MALRD1: variants seen among roughly 807,000 people sequenced by gnomAD.
The protein encoded by MALRD1 is MAM and LDL receptor class A domain containing 1.
Under a neutral mutation model 242.1 loss-of-function variants are expected in MALRD1, and 247 were observed. The observed-to-expected ratio is 1.02, with a 90% CI of 0.92 to 1.13. The LOEUF (loss-of-function observed/expected upper bound fraction) is 1.13. MALRD1 is among the 50% of genes most tolerant of loss of function. MALRD1 has a pLI of 0.00. For missense variants in MALRD1, 2,989 were observed against 2,533.1 expected (o/e 1.18, Z -3.86); for synonymous variants, 995 against 866.6 (o/e 1.15, Z -2.60).
intron 31 of MALRD1, among the ~76,000 whole-genome samples, chr10:19,515,953 A>G (rs1780731488): frequency 6.6e-6 from 1 of 152,212 alleles, no homozygotes; most frequent in South Asian, 2.1e-4. Context: ...ACTTACACCT[A>G]TTTAATTCAC....
rs368248433 is a variant in MALRD1 at position 19,249,753 on chromosome 10, C to G, written c.2992-7931C>G. ...CTTCTCTGAGAAAGTAACATCTAAC[C>G]TGGAACTTCAGATACAATTTCTAAT... is the stretch of plus-strand genomic sequence containing the variant. On this transcript the variant is annotated intron_variant, in intron 18 of 39. Transcript: ENST00000454679. 1.6e-4 allele frequency among the ~76,000 whole-genome samples: 25 copies of G among 152,122 alleles called. 1 individual carries two copies. In the East Asian group the frequency reaches 4.8e-3, roughly 29 times the overall value.
chr10:19,236,977 A>C (rs1838347908), intron 18 of MALRD1, among the ~76,000 whole-genome samples: 1 of 151,990 alleles, frequency 6.6e-6, no homozygotes, highest in Non-Finnish European at 1.5e-5. Flanking sequence ...TAAAATTGTT[A>C]TTTAATTCAT....
intron 33 of MALRD1, among the ~76,000 whole-genome samples, chr10:19,589,935 A>G (rs1837674281): frequency 6.6e-6 from 1 of 152,158 alleles, no homozygotes; most frequent in African/African-American, 2.4e-5. Flanking sequence ...ATAATGAACA[A>G]CAACATGAAT....
chr10:19,649,569 T>A (rs112619749), intron 36 of MALRD1, among the ~76,000 whole-genome samples: 4 of 152,340 alleles, frequency 2.6e-5, no homozygotes, highest in African/African-American at 7.2e-5. Flanking sequence ...TGTCCACTTT[T>A]TAATGGAGTT....
chr10:19,577,501 T>C (rs1362113315), intron 33 of MALRD1, among the ~76,000 whole-genome samples: 1 of 152,154 alleles, frequency 6.6e-6, no homozygotes, highest in Admixed American at 6.6e-5. Flanking sequence ...TCTTACTTGG[T>C]TGCCTGCTGA....
At chr10:19,595,115 A>G (rs754356656) in intron 33 of MALRD1, 79 bp from the exon 34 acceptor site, 273 of 1,343,380 alleles carry the variant, frequency 2.0e-4, no homozygotes, top group Non-Finnish European at 2.6e-4. Flanking sequence ...ACAATAAGAA[A>G]TGCAACCTGT....
intron 26 of MALRD1, among the ~76,000 whole-genome samples, chr10:19,362,414 G>A (rs1201955595): frequency 6.6e-6 from 1 of 152,134 alleles, no homozygotes; most frequent in Non-Finnish European, 1.5e-5. Context: ...ATCAGGTCAT[G>A]TAAACAATAC....
chr10:19,189,119 G>A (rs1835865944), intron 14 of MALRD1, among the ~76,000 whole-genome samples: 1 of 151,984 alleles, frequency 6.6e-6, no homozygotes, highest in African/African-American at 2.4e-5. Context: ...AATAAAAGTG[G>A]GGACATTGCT....
At chr10:19,051,590 C>G (rs183809846) in intron 1 of MALRD1, 1 of 160,038 alleles carries the variant, frequency 6.2e-6, no homozygotes, top group Non-Finnish European at 1.4e-5. Context: ...ATTTACAAGA[C>G]GGACAGGAAT....
intron 36 of MALRD1, among the ~76,000 whole-genome samples, chr10:19,653,012 A>G (rs772294775): frequency 2.0e-5 from 3 of 152,148 alleles, no homozygotes; most frequent in Non-Finnish European, 4.4e-5. Context: ...ATTGAATTCA[A>G]CATCATCTTG....
chr10:19,637,557 C>T (rs1840195237), intron 36 of MALRD1, among the ~76,000 whole-genome samples: 1 of 152,068 alleles, frequency 6.6e-6, no homozygotes, highest in African/African-American at 2.4e-5. Context: ...AGAGGAGTTG[C>T]TGATGCTGTG....
chr10:19,513,876 CAATT>C (rs3045380), intron 31 of MALRD1, among the ~76,000 whole-genome samples: 20,643 of 152,058 alleles, frequency 0.14, 1,489 homozygotes, highest in East Asian at 0.22. Flanking sequence ...TCTTGGCATT[CAATT>C]AATTAATTCT....
intron 2 of MALRD1, among the ~76,000 whole-genome samples, chr10:19,086,050 A>G (rs565816516): frequency 6.6e-6 from 1 of 152,038 alleles, no homozygotes; most frequent in Non-Finnish European, 1.5e-5. Context: ...TTGCATCACC[A>G]TGATACCCGC....
intron 18 of MALRD1, among the ~76,000 whole-genome samples, chr10:19,253,816 C>A (rs868645323): frequency 2.0e-5 from 3 of 151,948 alleles, no homozygotes; most frequent in Non-Finnish European, 4.4e-5. Context: ...AATCTGATTT[C>A]TTTCCCAATT....
chr10:19,146,402 A>G (rs1267943052), intron 11 of MALRD1, 58 bp downstream of exon 11: 1 of 1,186,534 alleles, frequency 8.4e-7, no homozygotes, highest in Non-Finnish European at 1.1e-6. Flanking sequence ...TTGTGGAATG[A>G]TGATACTGTG....
intron 19 of MALRD1, among the ~76,000 whole-genome samples, chr10:19,263,715 G>A (rs1000270599): frequency 1.3e-5 from 2 of 151,818 alleles, no homozygotes; most frequent in African/African-American, 2.4e-5. Flanking sequence ...GTATATTCTT[G>A]TCACTTTTTT....
intron 18 of MALRD1, among the ~76,000 whole-genome samples, chr10:19,247,779 C>G (rs989697003): frequency 2.6e-5 from 4 of 151,898 alleles, no homozygotes; most frequent in Admixed American, 6.6e-5. Flanking sequence ...AAATGAAATA[C>G]TATAACTTTT....
chr10:19,384,674 T>C lies in MALRD1; in HGVS notation c.4442-2854T>C, dbSNP rs992562274. 2.9e-5 allele frequency among the ~76,000 whole-genome samples: 4 copies of C among 136,546 alleles called. No homozygotes were observed. The Admixed American group carries it at 3.4e-4, about 12-fold the overall frequency. The allele number at this position is 136,546 out of a possible 152,430, so 89.6% of individuals were successfully genotyped here. A position where few individuals can be genotyped will look rare whatever the true frequency, so the allele number is the denominator to read the frequency against. ...ATAATATAATATTTACTATATATTA[T>C]ATAATATATAGTATAGATAAAATTA... On this transcript the variant is annotated intron_variant, in intron 26 of 39. Transcript: ENST00000454679.
rs754742498 is a variant in MALRD1 at position 19,573,402 on chromosome 10, G to A, written c.5680+5699G>A. Among the ~76,000 whole-genome samples the A allele has an allele frequency of 7.4e-4, 112 of 152,262 alleles. 1 individual carries two copies. The highest frequency in any genetic ancestry group is 1.0e-3 in the Non-Finnish European group (68 of 68,006). The stretch of plus-strand genomic sequence containing the variant: ...TCCTCTGAGCCAGGTGGTGGCAGCA[G>A]CCCTGGGCAGAAGAGACAGCAAGGA... On this transcript the variant is annotated intron_variant, in intron 33 of 39. Transcript: ENST00000454679.
Sources: gnomAD v4.1 joint callset for allele counts (sites outside exome capture counted in the v4.1 genomes callset) on GRCh38, gnomAD v4.1.1 for gene constraint, MANE v1.5 for transcripts, NCBI Gene and HGNC (gene_info 2026-07-23, HGNC 2026-07-21) for gene names.